Variants in FRMD4A observed in about 807,000 individuals in gnomAD.
FRMD4A encodes the protein FERM domain containing 4A, also known as FERM domain-containing protein 4A.
FRMD4A carries 29 observed loss-of-function variants against 129.1 expected under a neutral mutation model. The ratio of observed to expected loss-of-function variants is 0.22; its 90% confidence interval spans 0.17 to 0.31. The LOEUF is 0.31. Among genes scored for constraint, FRMD4A ranks in the 10% least tolerant of loss-of-function variants. The pLI, the probability that FRMD4A is intolerant of heterozygous loss-of-function variation, is 1.00. For synonymous variants in FRMD4A, 634 were observed against 571.6 expected (o/e 1.11, Z -1.56); for missense variants, 1,272 against 1,375.8 (o/e 0.92, Z 1.19).
chr10:14,023,697 G>T (rs11258809), intron 2 of FRMD4A, among the ~76,000 whole-genome samples: 2,216 of 152,302 alleles, frequency 0.015, 35 homozygotes, highest in East Asian at 0.081. Context: ...TAGAAATGAT[G>T]TGAAGGTTGC....
intron 2 of FRMD4A, chr10:14,008,210 G>T: frequency 1.7e-6 from 2 of 1,200,494 alleles, no homozygotes; most frequent in Non-Finnish European, 1.1e-6. Flanking sequence ...GTGTGTGTGT[G>T]TTCCCAGCAA....
At chr10:14,301,753 A>G (rs2132090831) in intron 2 of FRMD4A, among the ~76,000 whole-genome samples, 1 of 152,348 alleles carries the variant, frequency 6.6e-6, no homozygotes, top group East Asian at 1.9e-4. Flanking sequence ...CAGAAATGCT[A>G]AATTCACAAA....
At chr10:13,722,227 C>CTTTT (rs1204085901) in intron 12 of FRMD4A, among the ~76,000 whole-genome samples, 6 of 126,782 alleles carry the variant, frequency 4.7e-5, no homozygotes, top group Admixed American at 1.6e-4. Context: ...GGCCAGGGCT[C>CTTTT]TTTTTTTTTT....
At chr10:14,170,302 G>T (rs1436546104) in intron 2 of FRMD4A, among the ~76,000 whole-genome samples, 2 of 152,166 alleles carry the variant, frequency 1.3e-5, no homozygotes, top group East Asian at 3.8e-4. Context: ...GTACAAAAGA[G>T]CAGGACTCGC....
chr10:13,687,821 G>A (rs536203970), intron 15 of FRMD4A, among the ~76,000 whole-genome samples: 10 of 152,260 alleles, frequency 6.6e-5, no homozygotes, highest in East Asian at 5.8e-4. Context: ...TTCAGGACGC[G>A]GGTTCCACGA....
chr10:14,269,836 A>C (rs1485675317), intron 2 of FRMD4A, among the ~76,000 whole-genome samples: 1 of 152,226 alleles, frequency 6.6e-6, no homozygotes, highest in Non-Finnish European at 1.5e-5. Flanking sequence ...AATTATTCTC[A>C]ATGCTTCAGC....
intron 2 of FRMD4A, among the ~76,000 whole-genome samples, chr10:14,304,297 G>T (rs1846276892): frequency 1.3e-5 from 2 of 152,132 alleles, no homozygotes; most frequent in African/African-American, 4.8e-5. Flanking sequence ...GCCAATACCT[G>T]CTATTTTCTG....
intron 6 of FRMD4A, among the ~76,000 whole-genome samples, chr10:13,767,093 C>T (rs1479969510): frequency 2.6e-5 from 4 of 152,038 alleles, no homozygotes; most frequent in Admixed American, 1.3e-4. Flanking sequence ...CGAAACGAAA[C>T]AAAACACCCC....
chr10:14,273,572 C>A (rs1845237614), intron 2 of FRMD4A, among the ~76,000 whole-genome samples: 2 of 152,074 alleles, frequency 1.3e-5, no homozygotes, highest in Admixed American at 1.3e-4. Context: ...CAGATTGGAA[C>A]AGAGCCTGGA....
At chr10:13,711,512 G>T (rs186212969) in intron 12 of FRMD4A, among the ~76,000 whole-genome samples, 1 of 152,322 alleles carries the variant, frequency 6.6e-6, no homozygotes, top group Admixed American at 6.5e-5. Context: ...CTGCCTCTCC[G>T]CATAAAAACA....
At chr10:13,663,070 G>A (rs1383932511) in intron 19 of FRMD4A, among the ~76,000 whole-genome samples, 1 of 151,784 alleles carries the variant, frequency 6.6e-6, no homozygotes, top group Non-Finnish European at 1.5e-5. Context: ...GCATGCTGTA[G>A]TCCCAGCTAC....
intron 2 of FRMD4A, chr10:13,991,854 T>A (rs1416231410): frequency 6.6e-6 from 1 of 152,432 alleles, no homozygotes; most frequent in Non-Finnish European, 1.5e-5. Flanking sequence ...GAGGGTAAAC[T>A]AGAAAATTAA....
rs11258697 is a variant in FRMD4A at position 13,884,146 on chromosome 10, T to C, written c.46-25234A>G. Among the ~76,000 whole-genome samples, 215 of 99,336 alleles carry C rather than the reference T, an allele frequency of 2.2e-3. 9 individuals are homozygous for C. Among genetic ancestry groups the C allele is most frequent in the African/African-American group, 8.5e-3 (203 of 23,920 alleles). 65.2% of individuals were successfully genotyped at this position (99,336 alleles called of 152,430 possible). The stretch of plus-strand genomic sequence containing the variant: ...CTCACACACACGCTCACACACACTC[T>C]CACACACTCTCACACACACACTCAC... On this transcript the variant is annotated intron_variant, in intron 2 of 24. Transcript: ENST00000357447.
intron 2 of FRMD4A, among the ~76,000 whole-genome samples, chr10:14,233,372 C>T (rs1446413385): frequency 6.6e-6 from 1 of 151,704 alleles, no homozygotes; most frequent in Non-Finnish European, 1.5e-5. Context: ...GAGTTCAAGA[C>T]CAGCCTGGCC....
At chr10:14,162,217 C>A (rs927406106) in intron 2 of FRMD4A, among the ~76,000 whole-genome samples, 4 of 152,144 alleles carry the variant, frequency 2.6e-5, no homozygotes, top group Non-Finnish European at 5.9e-5. Context: ...TAGTCACATG[C>A]AGTTAGCGGC....
At chr10:13,994,102 C>T (rs751902222) in intron 2 of FRMD4A, among the ~76,000 whole-genome samples, 15 of 150,436 alleles carry the variant, frequency 1.0e-4, no homozygotes, top group South Asian at 2.1e-4. Context: ...CTTCACCTCC[C>T]GGGTTCAGCG....
intron 2 of FRMD4A, among the ~76,000 whole-genome samples, chr10:13,969,764 T>C (rs2095506728): frequency 6.6e-6 from 1 of 152,160 alleles, no homozygotes; most frequent in African/African-American, 2.4e-5. Context: ...GAGGATCATC[T>C]GAGCCCAGGG....
intron 12 of FRMD4A, among the ~76,000 whole-genome samples, chr10:13,731,476 C>A (rs1458948574): frequency 6.6e-6 from 1 of 152,074 alleles, no homozygotes; most frequent in African/African-American, 2.4e-5. Flanking sequence ...TGGTGAAACC[C>A]CGTCTCTACT....
At chr10:14,283,679 G>T (rs927704315) in intron 2 of FRMD4A, among the ~76,000 whole-genome samples, 1 of 152,076 alleles carries the variant, frequency 6.6e-6, no homozygotes, top group Admixed American at 6.5e-5. Context: ...TGTAATGTTG[G>T]CCTTCACTTG....
Sources: allele counts gnomAD v4.1 joint callset (sites outside exome capture counted in the v4.1 genomes callset), GRCh38; gene constraint gnomAD v4.1.1; transcripts MANE v1.5; gene names NCBI Gene and HGNC (gene_info 2026-07-23, HGNC 2026-07-21).